Variants in ZNF680 observed in about 807,000 individuals in gnomAD.
The protein encoded by ZNF680 is hypothetical protein FLJ90430.
In ZNF680, 6 loss-of-function variants were observed where a neutral mutation model predicts 12.1. The observed-to-expected ratio is 0.49, with a 90% CI of 0.27 to 0.98. The LOEUF (loss-of-function observed/expected upper bound fraction) is 0.98, where lower values mean the gene tolerates loss of function less well. Ranked by LOEUF, ZNF680 falls within the 50% of genes least tolerant of loss-of-function variation. The pLI is 0.12. For missense variants in ZNF680, 561 were observed against 616.3 expected, an observed-to-expected ratio of 0.91 and a Z score of 0.95; for synonymous variants, 170 against 199.3, an observed-to-expected ratio of 0.85 and a Z score of 1.24.
intron 3 of ZNF680, 38 bp from the exon 4 acceptor site, chr7:64,522,538 A>G: frequency 7.4e-7 from 1 of 1,351,806 alleles, no homozygotes; most frequent in East Asian, 2.5e-5. Context: ...ACCACTTCCT[A>G]GACTCAGATG....
chr7:64,510,929 TAA>T, the ZNF680 span, among the ~76,000 whole-genome samples: 45,618 of 77,622 alleles, frequency 0.59, 15,146 homozygotes, highest in African/African-American at 0.81. Context: ...AAATAAAAAA[TAA>T]AAAATAAAAA....
intron 1 of ZNF680, among the ~76,000 whole-genome samples, chr7:64,548,740 C>T (rs768243362): frequency 6.6e-6 from 1 of 152,092 alleles, no homozygotes; most frequent in Non-Finnish European, 1.5e-5. Flanking sequence ...CTCAAAGATG[C>T]CTAGGTGATT....
At chr7:64,543,682 T>C (rs1437645864) in intron 3 of ZNF680, 25 bp downstream of exon 3, 1 of 1,583,210 alleles carries the variant, frequency 6.3e-7, no homozygotes, top group East Asian at 2.2e-5. Context: ...TGTCATCTGT[T>C]GTATTCACTA....
At chr7:64,501,523 A>C in the ZNF680 span, 1 of 776,538 alleles carries the variant, frequency 1.3e-6, no homozygotes. Flanking sequence ...AAGTGAGAAG[A>C]GGAACAGAGC....
chr7:64,554,206 G>A (rs368266383), intron 1 of ZNF680, among the ~76,000 whole-genome samples: 1 of 146,488 alleles, frequency 6.8e-6, no homozygotes, highest in African/African-American at 2.6e-5. Context: ...CGCCCCGTCT[G>A]AGATGTGAAG....
intron 3 of ZNF680, among the ~76,000 whole-genome samples, chr7:64,532,327 G>A (rs1319913105): frequency 6.6e-6 from 1 of 151,242 alleles, no homozygotes; most frequent in Non-Finnish European, 1.5e-5. Context: ...GAAAAGAAGA[G>A]AGAAAATCTA....
intron 3 of ZNF680, among the ~76,000 whole-genome samples, chr7:64,528,786 G>A (rs1785703101): frequency 2.0e-5 from 3 of 152,006 alleles, no homozygotes. Flanking sequence ...AAGTTGTAAG[G>A]CCCCACCCAC....
chr7:64,544,233 C>T, intron 2 of ZNF680, 73 bp downstream of exon 2: 1 of 1,531,618 alleles, frequency 6.5e-7, no homozygotes, highest in South Asian at 1.2e-5. Context: ...CACAAATTAC[C>T]ACAAGTTATG....
intron 1 of ZNF680, among the ~76,000 whole-genome samples, chr7:64,552,547 T>C (rs2116528400): frequency 6.6e-6 from 1 of 152,320 alleles, no homozygotes; most frequent in African/African-American, 2.4e-5. Context: ...TTACTTATAG[T>C]TATCCCTACC....
chr7:64,507,515 T>TC, the ZNF680 span, among the ~76,000 whole-genome samples: 1 of 112,884 alleles, frequency 8.9e-6, no homozygotes, highest in African/African-American at 4.0e-5. Context: ...ACTCAATTAT[T>TC]CTATTTTTTT....
Position 64,545,584 on chromosome 7 carries a change from A to C in ZNF680, c.31-1152T>G, listed in dbSNP as rs532705874. On this transcript the variant is annotated intron_variant, in intron 1 of 3. Coordinates refer to ENST00000309683, the MANE Select transcript of ZNF680 (RefSeq NM_178558.5). ...GCATCACTGCTGGAAGACTGCCCCC[A>C]AAAAGTAAATTATAATCTAAATTTA... Among the ~76,000 whole-genome samples, 4 of 152,328 alleles carry C rather than the reference A, an allele frequency of 2.6e-5. No individual in the cohort carries two copies. In the South Asian group the frequency reaches 8.3e-4, roughly 32 times the overall value.
the ZNF680 span, among the ~76,000 whole-genome samples, chr7:64,502,014 TTTTTTC>T: frequency 9.4e-4 from 112 of 119,024 alleles, 2 homozygotes; most frequent in African/African-American, 2.9e-3. Context: ...TTTTTTTTTT[TTTTTTC>T]CTGAGATGGA....
the ZNF680 span, among the ~76,000 whole-genome samples, chr7:64,510,918 AAAAT>A: frequency 1.7e-5 from 1 of 58,638 alleles, no homozygotes; most frequent in African/African-American, 1.2e-4. Context: ...TCAAAAAAAA[AAAAT>A]AAAAAATAAA....
intron 3 of ZNF680, among the ~76,000 whole-genome samples, chr7:64,531,596 CAA>C (rs34791051): frequency 4.5e-4 from 43 of 95,258 alleles, no homozygotes; most frequent in African/African-American, 1.1e-3. Flanking sequence ...GACTCCGTCT[CAA>C]AAAAAAAAAA....
the ZNF680 span, among the ~76,000 whole-genome samples, chr7:64,502,019 T>C: frequency 4.3e-4 from 34 of 79,906 alleles, no homozygotes; most frequent in South Asian, 0.015. Context: ...TTTTTTTTTT[T>C]CCTGAGATGG....
downstream of ZNF680, among the ~76,000 whole-genome samples, chr7:64,515,808 G>C (rs1013810372): frequency 9.5e-5 from 14 of 147,406 alleles, no homozygotes; most frequent in Non-Finnish European, 2.0e-4. Flanking sequence ...AACACAGTGG[G>C]CTCCAGTGGG....
chr7:64,538,168 C>A (rs1410856432), intron 3 of ZNF680, among the ~76,000 whole-genome samples: 1 of 151,954 alleles, frequency 6.6e-6, no homozygotes. Context: ...AAATAACAAT[C>A]TCTTAGAAAA....
chr7:64,499,218 A>G, the ZNF680 span, among the ~76,000 whole-genome samples: 1 of 152,214 alleles, frequency 6.6e-6, no homozygotes, highest in Admixed American at 6.5e-5. Context: ...ACTGTACTAT[A>G]TTCAGACAAG....
chr7:64,532,868 A>C (rs1785960023), intron 3 of ZNF680, among the ~76,000 whole-genome samples: 1 of 152,260 alleles, frequency 6.6e-6, no homozygotes, highest in Admixed American at 6.5e-5. Context: ...AGATGGTTTA[A>C]TATATGCAAG....
Sources: allele counts gnomAD v4.1 joint callset (sites outside exome capture counted in the v4.1 genomes callset), GRCh38; gene constraint gnomAD v4.1.1; transcripts MANE v1.5; gene names NCBI Gene and HGNC (gene_info 2026-07-23, HGNC 2026-07-21).